Variants in ASIC2 observed in about 807,000 individuals in gnomAD.
ASIC2 encodes acid-sensing ion channel 2.
ASIC2 carries 25 observed loss-of-function variants against 57.3 expected under a neutral mutation model. The ratio of observed to expected loss-of-function variants is 0.44; its 90% CI spans 0.32 to 0.61. The LOEUF (loss-of-function observed/expected upper bound fraction) is 0.61, where lower values mean the gene tolerates loss of function less well. Ranked by LOEUF, ASIC2 falls within the 20% of genes least tolerant of loss-of-function variation. The pLI, the probability that ASIC2 is intolerant of heterozygous loss-of-function variation, is 0.06. For synonymous variants in ASIC2, 319 were observed against 307.5 expected (o/e 1.04, Z -0.39); for missense variants, 641 against 738.1 (o/e 0.87, Z 1.52).
chr17:33,855,798 T>C (rs56222273), intron 1 of ASIC2, among the ~76,000 whole-genome samples: 26,217 of 152,138 alleles, frequency 0.17, 2,725 homozygotes, highest in Middle Eastern at 0.35. Context: ...CCCACATCTC[T>C]TGGACATAAC....
At chr17:33,469,979 C>T (rs1427707594) in intron 1 of ASIC2, among the ~76,000 whole-genome samples, 1 of 152,002 alleles carries the variant, frequency 6.6e-6, no homozygotes, top group East Asian at 1.9e-4. Flanking sequence ...CAGCTAACAT[C>T]TAGTTAGGGG....
intron 1 of ASIC2, among the ~76,000 whole-genome samples, chr17:33,117,142 C>T (rs983804624): frequency 6.6e-6 from 1 of 152,050 alleles, no homozygotes; most frequent in Non-Finnish European, 1.5e-5. Flanking sequence ...GCATGAGCCA[C>T]AGTGCCTGAC....
At chr17:33,754,144 T>C (rs1910517467) in intron 1 of ASIC2, among the ~76,000 whole-genome samples, 1 of 152,106 alleles carries the variant, frequency 6.6e-6, no homozygotes, top group East Asian at 1.9e-4. Flanking sequence ...CTGTTCTTTA[T>C]GGGGTAGGTT....
intron 1 of ASIC2, among the ~76,000 whole-genome samples, chr17:33,602,184 G>T (rs1325835656): frequency 1.3e-5 from 2 of 152,192 alleles, no homozygotes; most frequent in East Asian, 3.8e-4. Context: ...TATTGGGATA[G>T]AATGAAGGTA....
intron 1 of ASIC2, among the ~76,000 whole-genome samples, chr17:33,883,726 C>T (rs959511259): frequency 6.6e-6 from 1 of 152,328 alleles, no homozygotes; most frequent in African/African-American, 2.4e-5. Context: ...CTTCTCCCTG[C>T]CCCCTCAACC....
chr17:33,590,964 G>A (rs1467448238), intron 1 of ASIC2, among the ~76,000 whole-genome samples: 1 of 152,154 alleles, frequency 6.6e-6, no homozygotes, highest in African/African-American at 2.4e-5. Flanking sequence ...AGGGTCTGTG[G>A]GGGTAGAGAA....
At chr17:33,719,753 C>T (rs897285418) in intron 1 of ASIC2, among the ~76,000 whole-genome samples, 35 of 152,270 alleles carry the variant, frequency 2.3e-4, no homozygotes, top group Admixed American at 1.0e-3. Flanking sequence ...AATGAGCTGG[C>T]GGTTTGTGCA....
At chr17:33,092,042 A>T (rs964033776) in intron 2 of ASIC2, among the ~76,000 whole-genome samples, 1 of 152,158 alleles carries the variant, frequency 6.6e-6, no homozygotes, top group Non-Finnish European at 1.5e-5. Context: ...CCCAGAGCTG[A>T]GGGGGTGACG....
intron 1 of ASIC2, among the ~76,000 whole-genome samples, chr17:33,498,636 C>T (rs914314389): frequency 2.0e-5 from 3 of 152,196 alleles, no homozygotes; most frequent in Non-Finnish European, 2.9e-5. Context: ...AGCCCTTGCT[C>T]TGGTCCCGGC....
intron 1 of ASIC2, among the ~76,000 whole-genome samples, chr17:33,276,369 C>A (rs1203240350): frequency 6.6e-6 from 1 of 152,126 alleles, no homozygotes; most frequent in Non-Finnish European, 1.5e-5. Context: ...TAACTAAAGG[C>A]CTTGTAGCGA....
chr17:33,782,879 C>A (rs1184686790), intron 1 of ASIC2, among the ~76,000 whole-genome samples: 2 of 152,200 alleles, frequency 1.3e-5, no homozygotes, highest in Admixed American at 6.5e-5. Context: ...CTTATCTCCT[C>A]CTCTCCGTCC....
At chr17:33,672,688 A>G (rs1011290791) in intron 1 of ASIC2, among the ~76,000 whole-genome samples, 11 of 152,170 alleles carry the variant, frequency 7.2e-5, no homozygotes, top group African/African-American at 2.7e-4. Context: ...TGCTGATGTT[A>G]TCTTCCTAGG....
intron 3 of ASIC2, among the ~76,000 whole-genome samples, chr17:33,085,182 C>G (rs1214960581): frequency 1.3e-5 from 2 of 152,158 alleles, no homozygotes; most frequent in Non-Finnish European, 2.9e-5. Flanking sequence ...GTCCCCATGG[C>G]CTTCCTGCAA....
intron 1 of ASIC2, among the ~76,000 whole-genome samples, chr17:34,117,771 G>T (rs995201658): frequency 3.3e-5 from 5 of 152,092 alleles, no homozygotes; most frequent in Non-Finnish European, 5.9e-5. Flanking sequence ...AGTTGAGGAT[G>T]ACTCTGAGGT....
chr17:33,555,032 T>C (rs1186693199), intron 1 of ASIC2, among the ~76,000 whole-genome samples: 1 of 152,186 alleles, frequency 6.6e-6, no homozygotes, highest in African/African-American at 2.4e-5. Flanking sequence ...CAGTAAAAAG[T>C]GGATTTGAAG....
intron 1 of ASIC2, among the ~76,000 whole-genome samples, chr17:33,928,074 A>G (rs1172212485): frequency 6.6e-6 from 1 of 152,202 alleles, no homozygotes; most frequent in Non-Finnish European, 1.5e-5. Context: ...CATATGGGAG[A>G]AAAGCTTAAC....
chr17:33,444,913 G>A (rs2141986344), intron 1 of ASIC2, among the ~76,000 whole-genome samples: 1 of 152,280 alleles, frequency 6.6e-6, no homozygotes. Context: ...TGTAAATAAA[G>A]TTTTATTGAT....
chr17:33,943,120 A>G (rs1451386710), intron 1 of ASIC2, among the ~76,000 whole-genome samples: 3 of 152,262 alleles, frequency 2.0e-5, no homozygotes, highest in Non-Finnish European at 4.4e-5. Context: ...AGATCACACA[A>G]TGAGGAAATG....
chr17:33,814,051 T>A (rs1433976931), intron 1 of ASIC2, among the ~76,000 whole-genome samples: 1 of 152,060 alleles, frequency 6.6e-6, no homozygotes, highest in East Asian at 1.9e-4. Flanking sequence ...AGGGGGACTG[T>A]GGCTGGCAAG....
Sources: gnomAD v4.1 joint callset for allele counts (sites outside exome capture counted in the v4.1 genomes callset) on GRCh38, gnomAD v4.1.1 for gene constraint, MANE v1.5 for transcripts, NCBI Gene and HGNC (gene_info 2026-07-23, HGNC 2026-07-21) for gene names.